The following ADAMTS4 variants were observed in gnomAD, a reference collection of about 807,000 sequenced individuals.
ADAMTS4 encodes ADAM metallopeptidase with thrombospondin type 1 motif 4, also known as A disintegrin and metalloproteinase with thrombospondin motifs 4.
ADAMTS4 carries 38 observed loss-of-function variants against 66.7 expected under a neutral mutation model. The observed-to-expected ratio is 0.57, with a 90% confidence interval of 0.44 to 0.75. The LOEUF is 0.75. Ranked by LOEUF, ADAMTS4 falls within the 30% of genes least tolerant of loss-of-function variation. The probability of loss-of-function intolerance (pLI) is 0.00; values close to 1 mark genes in which losing one functional copy is unlikely to be tolerated. For missense variants in ADAMTS4, 1,014 were observed against 1,116.7 expected (o/e 0.91, Z 1.31); for synonymous variants, 418 against 461.5 (o/e 0.91, Z 1.21).
intron 2 of ADAMTS4, 65 bp from the exon 3 acceptor site, chr1:161,196,368 C>G: frequency 6.5e-7 from 1 of 1,547,572 alleles, no homozygotes; most frequent in Non-Finnish European, 8.7e-7. Flanking sequence ...GGGTTGAGAT[C>G]CAGATTCCCG....
Position 161,196,864 on chromosome 1 carries a change from C to T in ADAMTS4, c.650G>A (p.Ser217Asn). 6.2e-7 allele frequency: 1 copy of T among 1,602,106 alleles called. No individual in the cohort carries two copies. Among genetic ancestry groups the T allele is most frequent in the Non-Finnish European group, 8.5e-7 (1 of 1,177,114 alleles). ...PRRAKRFASL[S>N]RFVETLVVAD... is the part of the protein sequence containing the mutation. ...CACCACCAGTGTCTCCACAAATCTA[C>T]TCAGTGAAGCAAAGCGCTGTAGAGA... Residue 217 changes from serine (S) to asparagine (N), a missense_variant, in exon 2 of 9, where the codon AGT (serine) becomes AAT (asparagine). By Grantham distance (46) the Ser-to-Asn change is conservative. Coordinates refer to ENST00000367996, the MANE Select transcript of ADAMTS4 (RefSeq NM_005099.6).
In ADAMTS4 at chr1:161,196,222, T is replaced by C; in HGVS notation, c.1039A>G (p.Ile347Val). 1 of 1,608,016 alleles carries C rather than the reference T, an allele frequency of 6.2e-7. No homozygotes were observed. ...TVCDPARSCA[I>V]VEDDGLQSAF... ...GACTGGAGCCCATCATCCTCCACAA[T>C]GGCACAGCTCCGAGCCGGGTCACAG... The change falls in exon 3 of 9, where the codon ATT becomes GTT. Residue 347 changes from isoleucine to valine, a missense_variant. By Grantham distance (29) the Ile-to-Val change is conservative. Transcript: ENST00000367996.
Position 161,196,628 on chromosome 1 carries a change from G to A in ADAMTS4, c.886C>T (p.Gln296Ter). The A allele has an allele frequency of 6.2e-7, 1 of 1,614,188 alleles. No homozygotes were observed. Among genetic ancestry groups the A allele is most frequent in the Non-Finnish European group, 8.5e-7 (1 of 1,180,020 alleles). ...TCCTCAGGGGTGTTGAGGCCCCGCT[G>A]CCAGGCACAGAAGCTGCGCAGGGTC... ...AQTLRSFCAW[Q>*]RGLNTPEDSD... Residue 296 changes from glutamine to a stop codon, truncating the protein, a stop_gained, in exon 2 of 9, where the codon CAG (glutamine) becomes TAG (stop). Transcript: ENST00000367996. LOFTEE classifies it high-confidence loss of function.
Position 161,196,298 on chromosome 1 carries a change from C to T in ADAMTS4, c.963G>A (p.Leu321=). 1 of 1,610,702 alleles carries T rather than the reference C, an allele frequency of 6.2e-7. No individual in the cohort carries two copies. Among genetic ancestry groups the T allele is most frequent in the Non-Finnish European group, 8.5e-7 (1 of 1,178,234 alleles). Residue 321 remains leucine (L), a synonymous_variant, in exon 3 of 9, where the codon CTG becomes CTA. Transcript: ENST00000367996. ...DTAILFTRQD[L]CGVSTCDTLG... ...GCGTGTCGCAAGTGGAGACTCCACA[C>T]AGGTCCTGTGGAGAGGGATCATAGA...
At position 161,189,968 on chromosome 1, in the gene ADAMTS4, G is replaced by C. The variant is rs1257830756; in HGVS notation, c.*1170C>G. 6.6e-6 allele frequency: 1 copy of C among 152,182 alleles called. No homozygotes were observed. The allele number at this position is 152,182 out of a possible 1,614,324, so 9.4% of individuals were successfully genotyped here. On this transcript the variant is annotated 3_prime_UTR_variant, in exon 9 of 9. Transcript: ENST00000367996. ...CACACCTGTAATCCCAGCACTTTGG[G>C]AGGCCGAGGCAGGTCGATTACCTGA...
At chr1:161,191,873 C>T (rs987651324) in intron 8 of ADAMTS4, among the ~76,000 whole-genome samples, 192 bp downstream of exon 8, 2 of 152,182 alleles carry the variant, frequency 1.3e-5, no homozygotes, top group African/African-American at 4.8e-5. Context: ...TCCCTGATGC[C>T]CACAAGGGCA....
Position 161,189,703 on chromosome 1 carries a change from CAGTA to C in ADAMTS4, c.*1431_*1434del, listed in dbSNP as rs368885506. The C allele has an allele frequency of 2.6e-5, 4 of 152,324 alleles. No individual in the cohort carries two copies. Among genetic ancestry groups the C allele is most frequent in the African/African-American group, 9.6e-5 (4 of 41,570 alleles). The allele number at this position is 152,324 out of a possible 1,614,324, so 9.4% of individuals were successfully genotyped here. ...GTGGATGTGGACAGAAATTTGATAA[CAGTA>C]AGTAACAGCAGCTGCTATTTGTTGA... On this transcript the variant is annotated 3_prime_UTR_variant, in exon 9 of 9. Transcript: ENST00000367996.
Position 161,196,894 on chromosome 1 carries a change from G to T in ADAMTS4, c.634-14C>A. The T allele has an allele frequency of 6.4e-7, 1 of 1,570,916 alleles. No homozygotes were observed. On this transcript the variant is annotated splice_polypyrimidine_tract_variant and intron_variant, in intron 1 of 8. Transcript: ENST00000367996. ...TGAAGCAAAGCGCTGTAGAGAAAAA[G>T]GGAGAGGAAGATCCTGAAATAGCCT...
Position 161,193,900 on chromosome 1 carries a change from G to C in ADAMTS4, c.1548+35C>G. ...GCTTAAGGCCAGTCCCCACACCCCC[G>C]GGCCCTTTACCCCACCCCTGCCCTA... On this transcript the variant is annotated intron_variant, in intron 5 of 8. Transcript: ENST00000367996. This position sits in a 1 kb window ranked among gnomAD's most constrained non-coding sequence, Gnocchi z 4.4. 2 of 1,562,528 alleles carry C rather than the reference G, an allele frequency of 1.3e-6. No individual in the cohort carries two copies. Among genetic ancestry groups the C allele is most frequent in the East Asian group, 4.5e-5 (2 of 44,382 alleles).
intron 3 of ADAMTS4, 51 bp downstream of exon 3, chr1:161,196,120 C>T (rs1260411564): frequency 1.3e-6 from 2 of 1,522,322 alleles, no homozygotes; most frequent in South Asian, 2.6e-5. Context: ...CTTGCTACCC[C>T]CTCCCCCACC....
At chr1:161,195,186 C>A (rs1228788663) in intron 4 of ADAMTS4, among the ~76,000 whole-genome samples, 2 of 152,224 alleles carry the variant, frequency 1.3e-5, no homozygotes, top group African/African-American at 4.8e-5. Context: ...TAATCACCTC[C>A]TTCATAGCCA....
chr1:161,196,415 CTAGG>C, intron 2 of ADAMTS4, 112 bp from the exon 3 acceptor site: 1 of 1,515,656 alleles, frequency 6.6e-7, no homozygotes, highest in Non-Finnish European at 8.9e-7. Flanking sequence ...CTGTCAGGGC[CTAGG>C]TAGCCACACA....
In ADAMTS4 at chr1:161,193,804, C is replaced by T; in HGVS notation, c.1571G>A (p.Gly524Asp). The T allele has an allele frequency of 6.2e-7, 1 of 1,608,906 alleles. No individual in the cohort carries two copies. The highest frequency in any genetic ancestry group is 1.7e-4 in the Middle Eastern group (1 of 6,036). ...GCAGTCACCCCATGGTCCCCAAGGACCCCAGCCACCAGCCTGTGGAATCTG... is the reference window on the plus strand; with the variant it reads ...GCAGTCACCCCATGGTCCCCAAGGATCCCAGCCACCAGCCTGTGGAATCTG... Reference protein sequence around the residue: ...DFNIPQAGGWGPWGPWGDCSR... With the variant: ...DFNIPQAGGWDPWGPWGDCSR... The change falls in exon 6 of 9, where the codon GGT becomes GAT. Residue 524 changes from glycine (G) to aspartate (D), a missense_variant. By Grantham distance (94) the Gly-to-Asp change is moderately conservative (BLOSUM62 -1). Coordinates refer to ENST00000367996, the MANE Select transcript of ADAMTS4 (RefSeq NM_005099.6). This position sits in a 1 kb window ranked among gnomAD's most constrained non-coding sequence, Gnocchi z 4.4.
Position 161,189,241 on chromosome 1 carries a change from T to G in ADAMTS4, c.*1897A>C, listed in dbSNP as rs1664606316. The G allele has an allele frequency of 2.6e-5, 4 of 152,102 alleles. No individual in the cohort carries two copies. Among genetic ancestry groups the G allele is most frequent in the African/African-American group, 7.2e-5 (3 of 41,400 alleles). The allele number at this position is 152,102 out of a possible 1,614,324, so 9.4% of individuals were successfully genotyped here. ...AGAACAACTCTGTGGGAGTAGATAC[T>G]GTTAGTCCCATATGAGCAATCTAAG... On this transcript the variant is annotated 3_prime_UTR_variant, in exon 9 of 9. Coordinates refer to ENST00000367996, the MANE Select transcript of ADAMTS4 (RefSeq NM_005099.6).
rs546046388 is a variant in ADAMTS4, at chr1:161,191,160, C to A, written c.2492G>T (p.Arg831Leu). The A allele has an allele frequency of 1.2e-5, 18 of 1,561,352 alleles. No homozygotes were observed. The South Asian group carries it at 2.1e-4, about 18-fold the overall frequency. ...RAQILEILRR[R>L]PWAGRK ...AGGTTATTTCCTGCCCGCCCAGGGGCGCCGCCGAAGGATCTCCAGAATCTG... is the reference window on the plus strand; with the variant it reads ...AGGTTATTTCCTGCCCGCCCAGGGGAGCCGCCGAAGGATCTCCAGAATCTG... The change falls in exon 9 of 9, where the codon CGC becomes CTC. Residue 831 changes from arginine to leucine, a missense_variant. Coordinates refer to ENST00000367996, the MANE Select transcript of ADAMTS4 (RefSeq NM_005099.6).
In ADAMTS4 at chr1:161,193,762, C is replaced by T. The variant is rs1000323253; in HGVS notation, c.1613G>A (p.Gly538Asp). 1.5e-5 allele frequency: 24 copies of T among 1,613,934 alleles called. No individual in the cohort carries two copies. Among genetic ancestry groups the T allele is most frequent in the Non-Finnish European group, 1.9e-5 (22 of 1,179,956 alleles). The stretch of plus-strand genomic sequence containing the variant: ...GTCTCGGGAGGAGAACTGGACACCA[C>T]CCCCACAGGTCCGAGAGCAGTCACC... The part of the protein sequence containing the change: ...PWGDCSRTCG[G>D]GVQFSSRDCT... Residue 538 changes from glycine (G) to aspartate (D), a missense_variant, in exon 6 of 9, where the codon GGT becomes GAT. Gly to Asp is a moderately conservative substitution (Grantham distance 94). Coordinates refer to ENST00000367996, the MANE Select transcript of ADAMTS4 (RefSeq NM_005099.6). This position sits in a 1 kb window ranked among gnomAD's most constrained non-coding sequence, Gnocchi z 4.4.
In ADAMTS4 at chr1:161,191,499, C is replaced by T. The variant is rs757718427; in HGVS notation, c.2153G>A (p.Gly718Glu). 4.3e-6 allele frequency: 7 copies of T among 1,614,078 alleles called. No individual in the cohort carries two copies. In the South Asian group the frequency reaches 6.6e-5, roughly 15 times the overall value. Residue 718 changes from glycine (G) to glutamate (E), a missense_variant, in exon 9 of 9, where the codon GGA (glycine) becomes GAA (glutamate). By Grantham distance (98) the Gly-to-Glu change is moderately conservative (BLOSUM62 -2). Coordinates refer to ENST00000367996, the MANE Select transcript of ADAMTS4 (RefSeq NM_005099.6). ...GATHILVRQQ[G>E]NPGHRSIYLA... ...GTAGATGCTCCGGTGGCCAGGGTTT[C>T]CCTGCTGCCGGACAAGAATGTGGGT... is the stretch of plus-strand genomic sequence containing the variant.
At chr1:161,192,407 A>C (rs908616865) in intron 7 of ADAMTS4, among the ~76,000 whole-genome samples, 167 bp from the exon 8 acceptor site, 1 of 152,150 alleles carries the variant, frequency 6.6e-6, no homozygotes, top group African/African-American at 2.4e-5. Context: ...TGATAATCAT[A>C]ACAATAATAA....
At position 161,196,310 on chromosome 1, in the gene ADAMTS4, A is replaced by G; in HGVS notation, c.958-7T>C. On this transcript the variant is annotated splice_region_variant and splice_polypyrimidine_tract_variant and intron_variant, in intron 2 of 8. Coordinates refer to ENST00000367996, the MANE Select transcript of ADAMTS4 (RefSeq NM_005099.6). ...TGGAGACTCCACACAGGTCCTGTGGAGAGGGATCATAGAAGGTGCATAGAC... is the reference window on the plus strand; with the variant it reads ...TGGAGACTCCACACAGGTCCTGTGGGGAGGGATCATAGAAGGTGCATAGAC... 6.2e-7 allele frequency: 1 copy of G among 1,602,630 alleles called. No homozygotes were observed.
Sources: allele counts gnomAD v4.1 joint callset (sites outside exome capture counted in the v4.1 genomes callset), GRCh38; gene constraint gnomAD v4.1.1; non-coding constraint Gnocchi (gnomAD v3.1); transcripts MANE v1.5; gene names NCBI Gene and HGNC (gene_info 2026-07-23, HGNC 2026-07-21).